Variants in PTPRD observed in about 807,000 individuals in gnomAD.
PTPRD encodes the protein protein tyrosine phosphatase receptor type D.
In PTPRD, 34 loss-of-function variants were observed where a neutral mutation model predicts 214.5. The observed-to-expected ratio is 0.16, with a 90% CI of 0.12 to 0.21. The LOEUF is 0.21. Ranked by LOEUF, PTPRD falls within the 10% of genes least tolerant of loss-of-function variation. The pLI is 1.00. For synonymous variants in PTPRD, 1,128 were observed against 845.7 expected, an observed-to-expected ratio of 1.33 and a Z score of -5.79; for missense variants, 2,545 against 2,398.7, an observed-to-expected ratio of 1.06 and a Z score of -1.27.
chr9:8,771,855 C>T (rs7036354), intron 11 of PTPRD, among the ~76,000 whole-genome samples: 7,200 of 151,574 alleles, frequency 0.048, 437 homozygotes, highest in African/African-American at 0.14. Flanking sequence ...CAGTCATTTA[C>T]TAACATCATC....
chr9:9,799,049 C>T (rs543112147), intron 5 of PTPRD, among the ~76,000 whole-genome samples: 144 of 152,154 alleles, frequency 9.5e-4, no homozygotes, highest in Admixed American at 6.1e-3. Context: ...GTTATTATTA[C>T]GGGAATGACT....
At chr9:9,783,138 G>A (rs762130031) in intron 5 of PTPRD, among the ~76,000 whole-genome samples, 11 of 151,944 alleles carry the variant, frequency 7.2e-5, no homozygotes, top group African/African-American at 2.2e-4. Flanking sequence ...TTTCTCCCAC[G>A]CAACAGTAAT....
intron 8 of PTPRD, among the ~76,000 whole-genome samples, chr9:9,537,717 C>T (rs1195090080): frequency 6.6e-6 from 1 of 151,800 alleles, no homozygotes; most frequent in Non-Finnish European, 1.5e-5. Flanking sequence ...ATGTTTCTCA[C>T]AAACCTCACT....
At chr9:10,574,281 C>G (rs1282035843) in intron 2 of PTPRD, among the ~76,000 whole-genome samples, 2 of 151,732 alleles carry the variant, frequency 1.3e-5, no homozygotes, top group African/African-American at 2.4e-5. Flanking sequence ...ATTTTTTTAA[C>G]TAACAGTTTC....
At chr9:10,152,675 A>T (rs2099068631) in intron 3 of PTPRD, among the ~76,000 whole-genome samples, 1 of 152,124 alleles carries the variant, frequency 6.6e-6, no homozygotes, top group Non-Finnish European at 1.5e-5. Context: ...AAAATACAAA[A>T]TTAGCTGGGC....
intron 3 of PTPRD, among the ~76,000 whole-genome samples, chr9:10,168,315 C>T (rs1034169344): frequency 1.3e-5 from 2 of 151,850 alleles, no homozygotes; most frequent in African/African-American, 4.8e-5. Context: ...TGTAAAAGAT[C>T]TGCTATTACT....
intron 8 of PTPRD, among the ~76,000 whole-genome samples, chr9:9,509,364 T>C (rs1297884942): frequency 6.6e-6 from 1 of 151,504 alleles, no homozygotes; most frequent in Non-Finnish European, 1.5e-5. Context: ...AAAGTTAAAA[T>C]TGTCTAATCT....
At chr9:9,577,726 T>G (rs931199991) in intron 7 of PTPRD, among the ~76,000 whole-genome samples, 5 of 152,060 alleles carry the variant, frequency 3.3e-5, no homozygotes, top group Non-Finnish European at 7.4e-5. Flanking sequence ...TTAAGAAATT[T>G]TATTTCACAT....
chr9:10,113,662 T>C (rs1421815007), intron 3 of PTPRD, among the ~76,000 whole-genome samples: 1 of 152,166 alleles, frequency 6.6e-6, no homozygotes, highest in Non-Finnish European at 1.5e-5. Flanking sequence ...CTCCAGAACA[T>C]TTTTATTATC....
rs148170379 is a variant in PTPRD, at chr9:9,834,645, G to T, written c.-367-67794C>A. ...GAAGGAGCAACCCAAAGCCTCTGGG[G>T]TCATTTCTTATTCAAACAGTTAATA... On this transcript the variant is annotated intron_variant, in intron 5 of 45. Transcript: ENST00000381196. 2.1e-3 allele frequency among the ~76,000 whole-genome samples: 314 copies of T among 152,116 alleles called. 1 individual carries two copies. Among genetic ancestry groups the T allele is most frequent in the African/African-American group, 7.3e-3 (302 of 41,512 alleles).
At chr9:9,249,955 G>C (rs1026118247) in intron 9 of PTPRD, among the ~76,000 whole-genome samples, 2 of 152,020 alleles carry the variant, frequency 1.3e-5, no homozygotes, top group African/African-American at 4.8e-5. Flanking sequence ...GAAATTGGGA[G>C]AAAAGTGTTA....
chr9:9,500,549 A>G (rs2096375795), intron 8 of PTPRD, among the ~76,000 whole-genome samples: 1 of 151,920 alleles, frequency 6.6e-6, no homozygotes, highest in Non-Finnish European at 1.5e-5. Flanking sequence ...AGAGCTCTGC[A>G]GATGGCACCA....
intron 3 of PTPRD, among the ~76,000 whole-genome samples, chr9:10,263,691 C>A (rs2093851844): frequency 6.6e-6 from 1 of 152,086 alleles, no homozygotes; most frequent in Non-Finnish European, 1.5e-5. Context: ...CAAGCAAAAT[C>A]CATTTTCTGG....
intron 7 of PTPRD, among the ~76,000 whole-genome samples, chr9:9,682,412 G>A (rs2097092434): frequency 6.6e-6 from 1 of 151,792 alleles, no homozygotes; most frequent in African/African-American, 2.4e-5. Context: ...GTCAGGAGGT[G>A]ATTCTGGCTC....
intron 2 of PTPRD, among the ~76,000 whole-genome samples, chr9:10,465,175 T>C (rs4145898): frequency 0.37 from 56,816 of 152,034 alleles, 12,733 homozygotes; most frequent in Non-Finnish European, 0.52. Flanking sequence ...TAGTAATACA[T>C]AATCAAATAA....
At chr9:9,413,382 G>A (rs2076107013) in intron 8 of PTPRD, among the ~76,000 whole-genome samples, 1 of 151,772 alleles carries the variant, frequency 6.6e-6, no homozygotes, top group Non-Finnish European at 1.5e-5. Context: ...CCAAAGTGCT[G>A]GGATTACAGG....
intron 2 of PTPRD, among the ~76,000 whole-genome samples, chr9:10,452,957 A>G (rs2098855177): frequency 6.7e-6 from 1 of 150,010 alleles, no homozygotes; most frequent in Non-Finnish European, 1.5e-5. Context: ...ATGGTTTCAG[A>G]CCTTATATTT....
chr9:8,808,272 C>T (rs2096727714), intron 11 of PTPRD, among the ~76,000 whole-genome samples: 1 of 152,102 alleles, frequency 6.6e-6, no homozygotes, highest in African/African-American at 2.4e-5. Context: ...ACAACAGCAA[C>T]CACAGTGCTG....
At chr9:9,240,729 CA>C (rs2099969961) in intron 9 of PTPRD, among the ~76,000 whole-genome samples, 3 of 152,050 alleles carry the variant, frequency 2.0e-5, no homozygotes, top group Admixed American at 2.0e-4. Flanking sequence ...ACGAATGTTT[CA>C]AAATTGTATA....
Sources: gnomAD v4.1 joint callset for allele counts (sites outside exome capture counted in the v4.1 genomes callset) on GRCh38, gnomAD v4.1.1 for gene constraint, MANE v1.5 for transcripts, NCBI Gene and HGNC (gene_info 2026-07-23, HGNC 2026-07-21) for gene names.